Variants in NXPE2 observed in about 807,000 individuals in gnomAD.
NXPE2 encodes neurexophilin and PC-esterase domain family member 2.
NXPE2 carries 34 observed loss-of-function variants against 34.4 expected under a neutral mutation model. That is an observed-to-expected ratio of 0.99 (90% confidence interval 0.75 to 1.31). The LOEUF (loss-of-function observed/expected upper bound fraction) is 1.31, where lower values mean the gene tolerates loss of function less well. Ranked by LOEUF, NXPE2 falls within the 40% of genes most tolerant of loss-of-function variation. The pLI is 0.00. For synonymous variants in NXPE2, 235 were observed against 231.3 expected, an observed-to-expected ratio of 1.02 and a Z score of -0.15; for missense variants, 649 against 672.5, an observed-to-expected ratio of 0.97 and a Z score of 0.39.
the NXPE2 span, among the ~76,000 whole-genome samples, chr11:114,802,431 C>G: frequency 6.6e-6 from 1 of 152,166 alleles, no homozygotes; most frequent in Non-Finnish European, 1.5e-5. Context: ...CAGAAGATCA[C>G]TGATTTGTCC....
the NXPE2 span, among the ~76,000 whole-genome samples, chr11:114,641,964 G>C: frequency 3.3e-5 from 5 of 151,630 alleles, no homozygotes; most frequent in African/African-American, 1.2e-4. Flanking sequence ...ATATTTTTGT[G>C]GTATATAACA....
chr11:114,690,591 G>A (rs900929991), intron 2 of NXPE2, among the ~76,000 whole-genome samples: 10 of 152,028 alleles, frequency 6.6e-5, no homozygotes, highest in African/African-American at 2.4e-4. Flanking sequence ...GGGTTGCCTT[G>A]TATAGTATCT....
At chr11:114,565,649 T>G in the NXPE2 span, among the ~76,000 whole-genome samples, 1 of 151,646 alleles carries the variant, frequency 6.6e-6, no homozygotes, top group Non-Finnish European at 1.5e-5. Flanking sequence ...CATTGTGTGG[T>G]CAGGAAAACT....
At chr11:114,714,636 T>C in the NXPE2 span, among the ~76,000 whole-genome samples, 2 of 152,350 alleles carry the variant, frequency 1.3e-5, no homozygotes, top group South Asian at 4.1e-4. Flanking sequence ...TTCAGGCAGG[T>C]TCTTTACATG....
the NXPE2 span, among the ~76,000 whole-genome samples, chr11:114,620,854 C>T: frequency 1.3e-5 from 2 of 152,218 alleles, no homozygotes; most frequent in African/African-American, 2.4e-5. Flanking sequence ...TGTGGGTAAC[C>T]ACTGTTACCC....
chr11:114,533,864 G>A, the NXPE2 span, among the ~76,000 whole-genome samples: 15 of 152,330 alleles, frequency 9.8e-5, no homozygotes, highest in African/African-American at 3.6e-4. Flanking sequence ...TGGGGGCAGG[G>A]CACAGACAAA....
the NXPE2 span, among the ~76,000 whole-genome samples, chr11:114,774,418 G>A: frequency 6.6e-6 from 1 of 152,188 alleles, no homozygotes; most frequent in East Asian, 1.9e-4. Flanking sequence ...GAAAAAGGCC[G>A]TTGTGAAGCA....
At chr11:114,558,447 G>A in the NXPE2 span, among the ~76,000 whole-genome samples, 2 of 152,058 alleles carry the variant, frequency 1.3e-5, no homozygotes, top group East Asian at 3.9e-4. Context: ...TATGATGTTG[G>A]ATTTGTGATA....
chr11:114,530,581 T>A, the NXPE2 span: 1 of 1,613,992 alleles, frequency 6.2e-7, no homozygotes, highest in Non-Finnish European at 8.5e-7. Context: ...GGGGAGGACA[T>A]CCTGGCCCTC....
the NXPE2 span, among the ~76,000 whole-genome samples, chr11:114,537,209 G>A: frequency 6.6e-6 from 1 of 152,036 alleles, no homozygotes; most frequent in Non-Finnish European, 1.5e-5. Context: ...ATGCAGAAAG[G>A]GCCTTTGACA....
chr11:114,667,543 G>A, the NXPE2 span, among the ~76,000 whole-genome samples: 2 of 152,106 alleles, frequency 1.3e-5, no homozygotes, highest in African/African-American at 4.8e-5. Flanking sequence ...ATATAATTTG[G>A]TGGAAGTCAT....
At chr11:114,493,178 A>G in the NXPE2 span, among the ~76,000 whole-genome samples, 2 of 152,058 alleles carry the variant, frequency 1.3e-5, no homozygotes, top group Admixed American at 6.6e-5. Context: ...GTCTTTTTCC[A>G]TCCCTGTATT....
the NXPE2 span, among the ~76,000 whole-genome samples, chr11:114,726,431 C>G: frequency 6.6e-6 from 1 of 151,972 alleles, no homozygotes; most frequent in African/African-American, 2.4e-5. Context: ...AGGCTGGTCT[C>G]AAACTCCTGG....
At chr11:114,596,158 A>G in the NXPE2 span, among the ~76,000 whole-genome samples, 2 of 152,224 alleles carry the variant, frequency 1.3e-5, no homozygotes, top group Admixed American at 1.3e-4. Context: ...TATCTCATAC[A>G]TAGTAGGTTT....
chr11:114,577,790 C>T, the NXPE2 span, among the ~76,000 whole-genome samples: 2 of 152,110 alleles, frequency 1.3e-5, no homozygotes, highest in African/African-American at 4.8e-5. Flanking sequence ...CAAGTAAACC[C>T]TATTTCCCCA....
chr11:114,787,370 G>A, the NXPE2 span, among the ~76,000 whole-genome samples: 2 of 152,162 alleles, frequency 1.3e-5, no homozygotes, highest in Admixed American at 6.5e-5. Context: ...CCTCCTCTGT[G>A]GCGTGGGGTG....
the NXPE2 span, among the ~76,000 whole-genome samples, chr11:114,727,942 C>T: frequency 4.0e-5 from 6 of 151,830 alleles, no homozygotes; most frequent in Admixed American, 1.3e-4. Flanking sequence ...AGTTTTAGGT[C>T]GAAAGTAAAA....
chr11:114,644,309 G>A, the NXPE2 span, among the ~76,000 whole-genome samples: 1 of 152,180 alleles, frequency 6.6e-6, no homozygotes, highest in African/African-American at 2.4e-5. Flanking sequence ...GGAGTGGTAA[G>A]AGAGGACATC....
At chr11:114,519,968 T>TCGCCTCCCGGGTTCAGGCTATTCTCC in the NXPE2 span, among the ~76,000 whole-genome samples, 68 of 117,312 alleles carry the variant, frequency 5.8e-4, 2 homozygotes, top group African/African-American at 2.8e-3. Flanking sequence ...CTCGGCGAGC[T>TCGCCTCCCGGGTTCAGGCTATTCTCC]TGCCCGCTAA....
Sources: allele counts gnomAD v4.1 joint callset (sites outside exome capture counted in the v4.1 genomes callset), GRCh38; gene constraint gnomAD v4.1.1; transcripts MANE v1.5; gene names NCBI Gene and HGNC (gene_info 2026-07-23, HGNC 2026-07-21).